The following CTNNA3 variants were observed in gnomAD, a reference collection of about 807,000 sequenced individuals.
CTNNA3 encodes catenin alpha-3.
A neutral mutation model predicts 95.7 loss-of-function variants in CTNNA3; 76 were observed. The observed-to-expected ratio is 0.79, with a 90% CI of 0.66 to 0.96. The LOEUF (loss-of-function observed/expected upper bound fraction) is 0.96, where lower values mean the gene tolerates loss of function less well. CTNNA3 is among the 40% of genes least tolerant of loss of function. The pLI is 0.00. For synonymous variants in CTNNA3, 431 were observed against 374.4 expected (o/e 1.15, Z -1.74); for missense variants, 1,191 against 1,089.8 (o/e 1.09, Z -1.31).
intron 3 of CTNNA3, among the ~76,000 whole-genome samples, chr10:67,570,718 C>A (rs950558298): frequency 6.6e-6 from 1 of 152,194 alleles, no homozygotes; most frequent in Non-Finnish European, 1.5e-5. Flanking sequence ...CTTGAACTCT[C>A]AGCATATTTG....
At chr10:65,983,495 G>A (rs1346052174) in intron 16 of CTNNA3, among the ~76,000 whole-genome samples, 1 of 151,360 alleles carries the variant, frequency 6.6e-6, no homozygotes. Context: ...AAAAAAATAT[G>A]TACTGAAAGC....
At chr10:67,416,644 G>A (rs1435743373) in intron 5 of CTNNA3, among the ~76,000 whole-genome samples, 6 of 146,430 alleles carry the variant, frequency 4.1e-5, no homozygotes, top group African/African-American at 1.5e-4. Flanking sequence ...AGTGGACAAA[G>A]GACATGAACA....
chr10:67,502,488 C>T (rs905939899), intron 5 of CTNNA3, among the ~76,000 whole-genome samples: 1 of 152,228 alleles, frequency 6.6e-6, no homozygotes, highest in African/African-American at 2.4e-5. Flanking sequence ...CTTAGCAGAG[C>T]TCGAGCGCTG....
intron 13 of CTNNA3, among the ~76,000 whole-genome samples, chr10:66,169,349 C>T (rs915763064): frequency 2.1e-4 from 32 of 152,144 alleles, no homozygotes; most frequent in African/African-American, 7.7e-4. Context: ...GCTCTGAATG[C>T]CATTAATTCA....
Position 66,766,090 on chromosome 10 carries a change from A to G in CTNNA3, c.1281+174T>C, listed in dbSNP as rs1176181915. ...TGTGTTTAAAAAATAAGACAAGCCA[A>G]TGTGGAGTGATCTATACAATCGGAC... On this transcript the variant is annotated intron_variant, in intron 9 of 17. Transcript: ENST00000433211. 7.7e-6 allele frequency: 4 copies of G among 516,656 alleles called. No individual in the cohort carries two copies. The East Asian group carries it at 8.4e-5, about 11-fold the overall frequency. The allele number at this position is 516,656 out of a possible 1,614,324, so 32.0% of individuals were successfully genotyped here.
intron 14 of CTNNA3, among the ~76,000 whole-genome samples, chr10:66,085,238 C>A (rs982855308): frequency 1.4e-4 from 22 of 152,120 alleles, no homozygotes; most frequent in African/African-American, 5.1e-4. Context: ...TAATAAAATG[C>A]TCATGTTAGT....
intron 7 of CTNNA3, among the ~76,000 whole-genome samples, chr10:66,954,022 C>G: frequency 6.6e-6 from 1 of 152,096 alleles, no homozygotes; most frequent in Middle Eastern, 3.2e-3. Context: ...AGTAAGTGCT[C>G]GCAAATACTA....
At position 65,963,702 on chromosome 10, in the gene CTNNA3, A is replaced by C. The variant is rs566521458; in HGVS notation, c.2400+2910T>G. The stretch of plus-strand genomic sequence containing the variant: ...CCTCAGATGTACTACTATGCCTTGC[A>C]CAGTGAGGGGCTCAATTCATAGTAA... On this transcript the variant is annotated intron_variant, in intron 17 of 17. Transcript: ENST00000433211. 1.7e-4 allele frequency among the ~76,000 whole-genome samples: 26 copies of C among 152,326 alleles called. No homozygotes were observed. In the East Asian group the frequency reaches 3.9e-3, roughly 23 times the overall value.
chr10:65,916,311 T>G lies in CTNNA3; in HGVS notation c.*4019A>C, dbSNP rs2133093606. ...CTAAATATACAATAGGCAGGCTGTC[T>G]TGGCAAAAAATAGGCCAACAAAAGA... On this transcript the variant is annotated 3_prime_UTR_variant, in exon 18 of 18. Transcript: ENST00000433211. 1 of 152,250 alleles carries G rather than the reference T, an allele frequency of 6.6e-6. No homozygotes were observed. Among genetic ancestry groups the G allele is most frequent in the East Asian group, 1.9e-4 (1 of 5,188 alleles). The allele number at this position is 152,250 out of a possible 1,614,324, so 9.4% of individuals were successfully genotyped here.
chr10:66,131,105 C>T (rs2083077274), intron 13 of CTNNA3, among the ~76,000 whole-genome samples: 1 of 150,624 alleles, frequency 6.6e-6, no homozygotes, highest in African/African-American at 2.4e-5. Context: ...AAGCCCTGGA[C>T]CAGACGGATT....
intron 5 of CTNNA3, among the ~76,000 whole-genome samples, chr10:67,266,081 T>A (rs761159365): frequency 6.6e-6 from 1 of 151,416 alleles, no homozygotes; most frequent in Non-Finnish European, 1.5e-5. Flanking sequence ...GAGAAAAAAA[T>A]TAAAACTGGA....
chr10:66,067,122 A>G (rs903324795), intron 15 of CTNNA3, among the ~76,000 whole-genome samples: 32 of 152,294 alleles, frequency 2.1e-4, no homozygotes, highest in African/African-American at 7.7e-4. Flanking sequence ...CATAAATACT[A>G]GAATCCTTCT....
chr10:67,042,569 A>C (rs2133151357), intron 7 of CTNNA3, among the ~76,000 whole-genome samples: 1 of 152,160 alleles, frequency 6.6e-6, no homozygotes, highest in African/African-American at 2.4e-5. Flanking sequence ...ATAAGGTAAG[A>C]AAAGGGCTTG....
intron 5 of CTNNA3, among the ~76,000 whole-genome samples, chr10:67,269,400 A>T (rs1838860139): frequency 6.6e-6 from 1 of 152,174 alleles, no homozygotes; most frequent in South Asian, 2.1e-4. Flanking sequence ...CATTTTGAGG[A>T]TTATTATTCT....
In CTNNA3 at chr10:65,988,709, G is replaced by T. The variant is rs149211186; in HGVS notation, c.2248C>A (p.Arg750=). The change falls in exon 16 of 18, where the codon CGG becomes AGG. Residue 750 remains arginine, a synonymous_variant. Coordinates refer to ENST00000433211, the MANE Select transcript of CTNNA3 (RefSeq NM_013266.4). ...TAACTCACCTGATTAGCAATCTGCC[G>T]AGCAAGGACATCCATCCTTGATCCT... is the stretch of plus-strand genomic sequence containing the variant. ...ESGSRMDVLA[R]QIANQCPDPS... 5.6e-6 allele frequency: 9 copies of T among 1,613,418 alleles called. No homozygotes were observed. The African/African-American group carries it at 1.2e-4, about 22-fold the overall frequency.
intron 15 of CTNNA3, among the ~76,000 whole-genome samples, chr10:65,997,388 G>C (rs1004190346): frequency 1.3e-5 from 2 of 152,176 alleles, no homozygotes; most frequent in African/African-American, 4.8e-5. Flanking sequence ...ATCTGGTGCT[G>C]CACACTGGTC....
chr10:67,711,689 C>T (rs868113927), intron 1 of CTNNA3, among the ~76,000 whole-genome samples: 48 of 150,868 alleles, frequency 3.2e-4, no homozygotes, highest in Middle Eastern at 3.4e-3. Flanking sequence ...CCCACTAACT[C>T]GTCATCTAGC....
At chr10:67,714,941 C>G (rs1021258113) in intron 1 of CTNNA3, among the ~76,000 whole-genome samples, 1 of 152,186 alleles carries the variant, frequency 6.6e-6, no homozygotes, top group African/African-American at 2.4e-5. Flanking sequence ...ATTGTGAGGC[C>G]TCCCCAGCCA....
At chr10:66,406,487 A>G (rs1299170597) in intron 11 of CTNNA3, among the ~76,000 whole-genome samples, 1 of 152,214 alleles carries the variant, frequency 6.6e-6, no homozygotes, top group Non-Finnish European at 1.5e-5. Context: ...TTCCATACCA[A>G]TGCCTGAGTC....
Sources: allele counts gnomAD v4.1 joint callset (sites outside exome capture counted in the v4.1 genomes callset), GRCh38; gene constraint gnomAD v4.1.1; transcripts MANE v1.5; gene names NCBI Gene and HGNC (gene_info 2026-07-23, HGNC 2026-07-21).